RTL5: variants seen among roughly 807,000 people sequenced by gnomAD.
The protein encoded by RTL5 is retrotransposon Gag like 5.
A neutral mutation model predicts 7.7 loss-of-function variants in RTL5; 8 were observed. The observed-to-expected ratio is 1.04, with a 90% confidence interval of 0.61 to 1.88. The LOEUF is 1.88. Among genes scored for constraint, RTL5 ranks in the 40% most tolerant of loss-of-function variants. The pLI is 0.00. For missense variants in RTL5, 457 were observed against 472.7 expected, an observed-to-expected ratio of 0.97 and a Z score of 0.31; for synonymous variants, 188 against 191.8, an observed-to-expected ratio of 0.98 and a Z score of 0.16.
At chrX:72,131,328 G>A (rs774040323) in exon 1 of RTL5, 3 of 1,203,007 alleles carry the variant, frequency 2.5e-6, no homozygotes, top group Non-Finnish European at 2.2e-6. Context: ...CACTGAGCGC[G>A]AACTCCAAGT....
exon 1 of RTL5, chrX:72,130,816 C>A: frequency 8.3e-7 from 1 of 1,211,425 alleles, no homozygotes; most frequent in Non-Finnish European, 1.1e-6. Flanking sequence ...CTTGAGCTTG[C>A]GAATGGCCTT....
At chrX:72,130,566 G>T (rs765613757) in exon 1 of RTL5, 1 of 1,211,420 alleles carries the variant, frequency 8.3e-7, no homozygotes, top group South Asian at 1.8e-5. Flanking sequence ...AAGGGAAGAT[G>T]ATATTTCGAA....
chrX:72,128,349 C>T (rs963088308), exon 1 of RTL5: 10 of 112,777 alleles, frequency 8.9e-5, no homozygotes, highest in African/African-American at 3.2e-4. Flanking sequence ...CCTTTGGCCA[C>T]AAACCCTGGC....
At chrX:72,129,193 G>A (rs2042257710) in exon 1 of RTL5, 1 of 113,323 alleles carries the variant, frequency 8.8e-6, no homozygotes, top group South Asian at 3.6e-4. Context: ...TCTCCGTCAA[G>A]TTGTCCATTT....
exon 1 of RTL5, chrX:72,131,490 G>A: frequency 8.3e-7 from 1 of 1,203,218 alleles, no homozygotes; most frequent in Non-Finnish European, 1.1e-6. Context: ...CTTCGCGCAG[G>A]GCCACATTCG....
chrX:72,129,904 C>G (rs768312794), exon 1 of RTL5: 3 of 1,208,377 alleles, frequency 2.5e-6, no homozygotes, highest in Non-Finnish European at 1.1e-6. Flanking sequence ...CACAGGGGGG[C>G]GTCTTCGAAC....
exon 1 of RTL5, chrX:72,129,034 A>C (rs2042255847): frequency 2.7e-5 from 3 of 112,903 alleles, no homozygotes; most frequent in African/African-American, 6.4e-5. Context: ...GGCGCTGTCC[A>C]CCGGGGGTGC....
rs978030263 is a variant in RTL5, at chrX:72,129,470, A to G, written c.*361T>C. 4 of 190,658 alleles carry G rather than the reference A, an allele frequency of 2.1e-5. No homozygotes were observed. In the South Asian group the frequency reaches 6.5e-4, roughly 31 times the overall value. The allele number at this position is 190,658 out of a possible 1,213,427, so 15.7% of individuals were successfully genotyped here. Reference sequence around the variant, plus strand: ...GAATAAAACTGTAGAACATAGGGTGAAGAAACGCAGGAGAGGTGAGGGTTA... The same window carrying G: ...GAATAAAACTGTAGAACATAGGGTGGAGAAACGCAGGAGAGGTGAGGGTTA... On this transcript the variant is annotated 3_prime_UTR_variant, in exon 1 of 1. Coordinates refer to ENST00000609883, the Ensembl canonical transcript of RTL5.
exon 1 of RTL5, chrX:72,131,199 G>A (rs952058803): frequency 4.2e-6 from 5 of 1,197,896 alleles, no homozygotes; most frequent in Non-Finnish European, 5.6e-6. Context: ...CGGGCCCGTC[G>A]GGGGTGCTGC....
exon 1 of RTL5, chrX:72,131,638 G>C: frequency 1.1e-6 from 1 of 898,716 alleles, no homozygotes; most frequent in Non-Finnish European, 1.5e-6. Context: ...CGGGGCTCGG[G>C]AGGGACCGAA....
At chrX:72,130,402 T>C in exon 1 of RTL5, 2 of 1,174,338 alleles carry the variant, frequency 1.7e-6, no homozygotes, top group Non-Finnish European at 2.3e-6. Flanking sequence ...CTTCTTCATC[T>C]CCTCCTCCTC....
exon 1 of RTL5, chrX:72,131,205 G>A (rs199597770): frequency 8.3e-7 from 1 of 1,200,287 alleles, no homozygotes; most frequent in East Asian, 3.0e-5. Context: ...CGTCGGGGGT[G>A]CTGCGATCCT....
chrX:72,130,995 G>C (rs746593940), exon 1 of RTL5: 18 of 1,209,121 alleles, frequency 1.5e-5, no homozygotes, highest in Non-Finnish European at 2.0e-5. Flanking sequence ...CGGCGCCCCC[G>C]GGGAAATGAA....
Position 72,130,655 on chromosome X carries a change from C to G in RTL5, c.886G>C (p.Asp296His), listed in dbSNP as rs373245146. Residue 296 changes from aspartate (D) to histidine (H), a missense_variant, in exon 1 of 1, where the codon GAC becomes CAC. Physicochemically the swap from Asp to His is moderately conservative, Grantham distance 81. Transcript: ENST00000609883. ...CATTCGAGAATCAGCTCATCCAGGT[C>G]GGCCATTTCTGTTGACCATAAGAGC... is the stretch of plus-strand genomic sequence containing the variant. The G allele has an allele frequency of 2.9e-5, 35 of 1,210,050 alleles. No homozygotes were observed. Among genetic ancestry groups the G allele is most frequent in the South Asian group, 5.3e-5 (3 of 56,848 alleles).
chrX:72,128,548 T>C (rs2042250016), exon 1 of RTL5: 1 of 112,808 alleles, frequency 8.9e-6, no homozygotes, highest in South Asian at 3.6e-4. Flanking sequence ...CCTGAGTTTG[T>C]ACCTAGAAGT....
exon 1 of RTL5, chrX:72,131,183 G>T: frequency 1.7e-6 from 2 of 1,188,599 alleles, no homozygotes; most frequent in Non-Finnish European, 2.3e-6. Flanking sequence ...AGCAGAGGGG[G>T]GTCAGCGGGC....
exon 1 of RTL5, chrX:72,130,110 C>T (rs201171574): frequency 1.0e-4 from 125 of 1,208,594 alleles, no homozygotes; most frequent in South Asian, 7.2e-4. Context: ...TCTGGGATGA[C>T]GCGTGAACAA....
chrX:72,130,620 T>C (rs748992597), exon 1 of RTL5: 2 of 1,211,937 alleles, frequency 1.7e-6, no homozygotes, highest in South Asian at 1.8e-5. Flanking sequence ...CTTTTCTTTC[T>C]ATCTCCACAC....
At chrX:72,130,032 A>G (rs1421905116) in exon 1 of RTL5, 2 of 1,209,277 alleles carry the variant, frequency 1.7e-6, no homozygotes, top group Non-Finnish European at 1.1e-6. Flanking sequence ...TCCGTCTGCT[A>G]GGCTGTATTA....
Sources: allele counts gnomAD v4.1 joint callset, GRCh38; gene constraint gnomAD v4.1.1; transcripts MANE v1.5; gene names NCBI Gene and HGNC (gene_info 2026-07-23, HGNC 2026-07-21).